FAM184B: variants seen among roughly 807,000 people sequenced by gnomAD.
The protein encoded by FAM184B is protein FAM184B.
In FAM184B, 111 loss-of-function variants were observed where a neutral mutation model predicts 135.9. The ratio of observed to expected loss-of-function variants is 0.82; its 90% confidence interval spans 0.70 to 0.96. The LOEUF (loss-of-function observed/expected upper bound fraction) is 0.96, where lower values mean the gene tolerates loss of function less well. Among genes scored for constraint, FAM184B ranks in the 40% least tolerant of loss-of-function variants. The probability of loss-of-function intolerance (pLI) is 0.00; values close to 1 mark genes in which losing one functional copy is unlikely to be tolerated. For missense variants in FAM184B, 1,375 were observed against 1,323.9 expected (o/e 1.04, Z -0.60); for synonymous variants, 552 against 524.8 (o/e 1.05, Z -0.71).
intron 1 of FAM184B, among the ~76,000 whole-genome samples, chr4:17,746,921 C>T (rs1309473800): frequency 2.0e-5 from 3 of 149,658 alleles, no homozygotes; most frequent in Non-Finnish European, 3.0e-5. Flanking sequence ...ACCTGTAATC[C>T]CAGCTACTCA....
chr4:17,647,331 C>A (rs1189447081), intron 12 of FAM184B, among the ~76,000 whole-genome samples: 3 of 150,928 alleles, frequency 2.0e-5, no homozygotes, highest in African/African-American at 7.3e-5. Context: ...TAGCTCACCA[C>A]AGCCTGGAAC....
chr4:17,709,081 G>A lies in FAM184B; in HGVS notation c.705C>T (p.Ala235=), dbSNP rs780229542. The change falls in exon 2 of 18, where the codon GCC becomes GCT. Residue 235 remains alanine (A), a synonymous_variant. Transcript: ENST00000265018. ...GGGCCTGGCTCACCGACTGCTGCAT[G>A]GCCTGCCGGATGGCCTCGTTTTCCC... is the stretch of plus-strand genomic sequence containing the variant. ...YERENEAIRQ[A]MQQSVSQALW... 1.5e-5 allele frequency: 23 copies of A among 1,549,848 alleles called. No individual in the cohort carries two copies. The African/African-American group carries it at 1.8e-4, about 12-fold the overall frequency.
intron 1 of FAM184B, among the ~76,000 whole-genome samples, chr4:17,757,021 T>G (rs1718439661): frequency 6.6e-6 from 1 of 152,170 alleles, no homozygotes; most frequent in African/African-American, 2.4e-5. Flanking sequence ...ACTGATAACA[T>G]CACAAAAAGA....
chr4:17,729,511 A>C (rs1395150485), intron 1 of FAM184B, among the ~76,000 whole-genome samples: 1 of 152,190 alleles, frequency 6.6e-6, no homozygotes, highest in African/African-American at 2.4e-5. Context: ...TAGGGGCAGA[A>C]TGACACCTCA....
At chr4:17,660,119 G>T (rs1177878821) in intron 8 of FAM184B, 32 bp from the exon 9 acceptor site, 3 of 1,549,920 alleles carry the variant, frequency 1.9e-6, no homozygotes, top group Admixed American at 2.0e-5. Context: ...AATCACAAAA[G>T]ATCCTAGGGC....
At chr4:17,751,030 G>A (rs541999571) in intron 1 of FAM184B, among the ~76,000 whole-genome samples, 7 of 151,940 alleles carry the variant, frequency 4.6e-5, no homozygotes, top group African/African-American at 7.2e-5. Flanking sequence ...ACATAGGGCC[G>A]GGTGCGGTGG....
At position 17,660,218 on chromosome 4, in the gene FAM184B, T is replaced by C. The variant is rs910230582; in HGVS notation, c.1695-131A>G. On this transcript the variant is annotated intron_variant, in intron 8 of 17. Coordinates refer to ENST00000265018, the MANE Select transcript of FAM184B (RefSeq NM_015688.2). The stretch of plus-strand genomic sequence containing the variant: ...TAGCAGTTAGTGGGGATTAGAAACA[T>C]CTTGCTTGGCTTTCAAAAAGCAACC... 3.1e-5 allele frequency: 35 copies of C among 1,128,674 alleles called. No individual in the cohort carries two copies. The Admixed American group carries it at 4.4e-4, about 14-fold the overall frequency. The allele number at this position is 1,128,674 out of a possible 1,614,324, so 69.9% of individuals were successfully genotyped here.
At chr4:17,753,410 A>T (rs1360903896) in intron 1 of FAM184B, among the ~76,000 whole-genome samples, 2 of 152,222 alleles carry the variant, frequency 1.3e-5, no homozygotes, top group Non-Finnish European at 2.9e-5. Context: ...ATTTTATTGA[A>T]CAAAATGTTT....
At chr4:17,699,903 C>G (rs985387201) in intron 5 of FAM184B, among the ~76,000 whole-genome samples, 4 of 152,012 alleles carry the variant, frequency 2.6e-5, no homozygotes, top group Non-Finnish European at 5.9e-5. Context: ...CAATATATAA[C>G]AACTATTGTA....
At chr4:17,685,199 A>G (rs1312663779) in intron 7 of FAM184B, among the ~76,000 whole-genome samples, 1 of 129,636 alleles carries the variant, frequency 7.7e-6, no homozygotes, top group Non-Finnish European at 1.6e-5. Context: ...CCTGGAACTT[A>G]AAAAAAAAAA....
intron 1 of FAM184B, among the ~76,000 whole-genome samples, chr4:17,715,330 C>G (rs748220866): frequency 6.6e-6 from 1 of 151,916 alleles, no homozygotes; most frequent in Non-Finnish European, 1.5e-5. Flanking sequence ...AAAAAATTAG[C>G]TGTGTGTGGT....
chr4:17,681,507 C>T (rs1004505064), intron 7 of FAM184B, among the ~76,000 whole-genome samples: 3 of 152,210 alleles, frequency 2.0e-5, no homozygotes, highest in African/African-American at 7.2e-5. Context: ...TCAATTCACA[C>T]CAACCAAGGG....
chr4:17,703,098 T>C (rs954552764), intron 5 of FAM184B, among the ~76,000 whole-genome samples: 3 of 152,252 alleles, frequency 2.0e-5, no homozygotes, highest in African/African-American at 7.2e-5. Context: ...CATTTTGTAA[T>C]ATTGTTGGAA....
At chr4:17,683,739 T>C (rs1211176141) in intron 7 of FAM184B, among the ~76,000 whole-genome samples, 1 of 152,092 alleles carries the variant, frequency 6.6e-6, no homozygotes, top group Admixed American at 6.6e-5. Context: ...AAGGGAAGTA[T>C]ACTGATATAT....
chr4:17,770,099 G>A (rs747474026), intron 1 of FAM184B, among the ~76,000 whole-genome samples: 56 of 152,186 alleles, frequency 3.7e-4, no homozygotes, highest in Non-Finnish European at 5.6e-4. Context: ...ACTGAGAGGC[G>A]GACAGGAGCT....
chr4:17,659,577 C>T (rs1347432156), intron 9 of FAM184B, among the ~76,000 whole-genome samples: 1 of 152,096 alleles, frequency 6.6e-6, no homozygotes, highest in African/African-American at 2.4e-5. Context: ...ACCTCTGCCT[C>T]CCAGGTTCAA....
chr4:17,645,289 A>G (rs1475475443), intron 12 of FAM184B, among the ~76,000 whole-genome samples: 1 of 152,222 alleles, frequency 6.6e-6, no homozygotes, highest in Non-Finnish European at 1.5e-5. Flanking sequence ...AGCCAAAAGA[A>G]CAAAGCTGGA....
At chr4:17,658,876 C>T (rs1715843775) in intron 9 of FAM184B, among the ~76,000 whole-genome samples, 1 of 152,110 alleles carries the variant, frequency 6.6e-6, no homozygotes, top group African/African-American at 2.4e-5. Context: ...TCGAATCTGG[C>T]TTCCTCACTA....
chr4:17,637,173 C>A (rs1203910789), intron 14 of FAM184B, among the ~76,000 whole-genome samples: 1 of 152,166 alleles, frequency 6.6e-6, no homozygotes, highest in South Asian at 2.1e-4. Flanking sequence ...GTACTACAGG[C>A]GCGCGCCACC....
Sources: gnomAD v4.1 joint callset for allele counts (sites outside exome capture counted in the v4.1 genomes callset) on GRCh38, gnomAD v4.1.1 for gene constraint, MANE v1.5 for transcripts, NCBI Gene and HGNC (gene_info 2026-07-23, HGNC 2026-07-21) for gene names.